The following MSRB3 variants were observed in gnomAD, a reference collection of about 807,000 sequenced individuals.
The protein encoded by MSRB3 is methionine-R-sulfoxide reductase B3.
MSRB3 carries 13 observed loss-of-function variants against 21.0 expected under a neutral mutation model. The observed-to-expected ratio is 0.62, with a 90% CI of 0.40 to 0.98. The LOEUF is 0.98. Among genes scored for constraint, MSRB3 ranks in the 50% least tolerant of loss-of-function variants. MSRB3 has a pLI of 0.00. For missense variants in MSRB3, 199 were observed against 230.3 expected (o/e 0.86, Z 0.88); for synonymous variants, 87 against 88.6 (o/e 0.98, Z 0.10).
chr12:65,462,000 T>A (rs186534063), intron 6 of MSRB3, among the ~76,000 whole-genome samples: 1 of 152,304 alleles, frequency 6.6e-6, no homozygotes, highest in East Asian at 1.9e-4. Context: ...ATAGTTCACT[T>A]GTTTTCTTGT....
intron 4 of MSRB3, among the ~76,000 whole-genome samples, chr12:65,336,182 A>G (rs1331423157): frequency 1.3e-5 from 2 of 152,224 alleles, no homozygotes; most frequent in African/African-American, 2.4e-5. Context: ...CTGGATTGGA[A>G]GAAAAGGACT....
intron 5 of MSRB3, among the ~76,000 whole-genome samples, chr12:65,428,970 C>T (rs112847563): frequency 2.6e-5 from 4 of 152,048 alleles, no homozygotes; most frequent in Admixed American, 2.6e-4. Context: ...TGATTACTTA[C>T]CAGTCTCTAT....
intron 5 of MSRB3, among the ~76,000 whole-genome samples, chr12:65,422,860 T>C (rs1351153828): frequency 6.6e-6 from 1 of 152,038 alleles, no homozygotes; most frequent in Non-Finnish European, 1.5e-5. Flanking sequence ...TCATTATTAG[T>C]GTATAGAAAT....
At chr12:65,312,106 G>A (rs991402188) in intron 2 of MSRB3, among the ~76,000 whole-genome samples, 3 of 151,988 alleles carry the variant, frequency 2.0e-5, no homozygotes, top group East Asian at 1.9e-4. Flanking sequence ...CTTAACTTGC[G>A]TGACCTTGAA....
chr12:65,347,974 G>C (rs1208139019), intron 4 of MSRB3, among the ~76,000 whole-genome samples: 1 of 152,124 alleles, frequency 6.6e-6, no homozygotes, highest in East Asian at 1.9e-4. Flanking sequence ...ATGTGCTGCT[G>C]GATTCGATTT....
intron 5 of MSRB3, among the ~76,000 whole-genome samples, chr12:65,438,484 A>G (rs531022095): frequency 6.6e-6 from 1 of 152,036 alleles, no homozygotes; most frequent in Admixed American, 6.6e-5. Context: ...TGAGGAAGGT[A>G]AAGCCTAGCA....
At chr12:65,400,887 G>A (rs753864964) in intron 5 of MSRB3, among the ~76,000 whole-genome samples, 3 of 152,220 alleles carry the variant, frequency 2.0e-5, no homozygotes, top group Non-Finnish European at 2.9e-5. Context: ...CCATTCAGGA[G>A]CAGGTTGTTC....
intron 4 of MSRB3, 36 bp from the exon 5 acceptor site, chr12:65,368,962 G>T: frequency 2.0e-6 from 2 of 1,005,586 alleles, no homozygotes; most frequent in East Asian, 3.8e-5. Flanking sequence ...TTTACAAACA[G>T]TTTTTATATT....
chr12:65,347,918 T>C (rs1474179598), intron 4 of MSRB3, among the ~76,000 whole-genome samples: 3 of 152,112 alleles, frequency 2.0e-5, no homozygotes, highest in African/African-American at 4.8e-5. Context: ...ACCAGCCTTG[T>C]ATCTCAGGGA....
chr12:65,413,181 G>A (rs760636783), intron 5 of MSRB3, among the ~76,000 whole-genome samples: 4 of 152,174 alleles, frequency 2.6e-5, no homozygotes, highest in African/African-American at 4.8e-5. Context: ...AGGTCAGAAT[G>A]TACATAAGGT....
At chr12:65,424,894 T>C (rs1236984617) in intron 5 of MSRB3, among the ~76,000 whole-genome samples, 2 of 118,578 alleles carry the variant, frequency 1.7e-5, no homozygotes, top group Non-Finnish European at 3.6e-5. Context: ...CTGTCCACTA[T>C]TGAAAGTGAA....
At chr12:65,291,597 A>G (rs1261411857) in intron 1 of MSRB3, among the ~76,000 whole-genome samples, 3 of 152,040 alleles carry the variant, frequency 2.0e-5, no homozygotes, top group Non-Finnish European at 2.9e-5. Flanking sequence ...AAAAATATGT[A>G]TTGAGCCCTG....
rs150161840 is a variant in MSRB3 at position 65,362,223 on chromosome 12, A to T, written c.264-6775A>T. Among the ~76,000 whole-genome samples, 21 of 152,308 alleles carry T rather than the reference A, an allele frequency of 1.4e-4. 2 individuals carry two copies. In the East Asian group the frequency reaches 4.1e-3, roughly 29 times the overall value. On this transcript the variant is annotated intron_variant, in intron 4 of 6. Coordinates refer to ENST00000308259, the MANE Select transcript of MSRB3 (RefSeq NM_001031679.3). The stretch of plus-strand genomic sequence containing the variant: ...CCTCTCAGGGCTGCAAGATTGCTAT[A>T]GCAGTTCTAAGTGGCATATCCTTAT...
intron 5 of MSRB3, among the ~76,000 whole-genome samples, chr12:65,410,280 A>G (rs1207939265): frequency 2.0e-5 from 3 of 152,036 alleles, no homozygotes; most frequent in Admixed American, 6.6e-5. Flanking sequence ...AGATTTATTT[A>G]TGTTGTTTTC....
At chr12:65,286,416 G>A (rs918656553) in intron 1 of MSRB3, 3 of 152,092 alleles carry the variant, frequency 2.0e-5, no homozygotes, top group African/African-American at 7.2e-5. Context: ...TAGTCTCATG[G>A]ATTAGAAGTC....
chr12:65,439,926 A>G lies in MSRB3; in HGVS notation c.293-13802A>G, dbSNP rs563470809. Reference sequence around the variant, plus strand: ...TATGATATTTACAAAAAAGAAATACAGTGGTAGATACTTGCCTTTCCTGAT... The same window carrying G: ...TATGATATTTACAAAAAAGAAATACGGTGGTAGATACTTGCCTTTCCTGAT... On this transcript the variant is annotated intron_variant, in intron 5 of 6. Coordinates refer to ENST00000308259, the MANE Select transcript of MSRB3 (RefSeq NM_001031679.3). Among the ~76,000 whole-genome samples the G allele has an allele frequency of 1.2e-3, 178 of 151,792 alleles. 1 individual carries two copies. The highest frequency in any genetic ancestry group is 2.3e-3 in the Non-Finnish European group (153 of 67,786).
intron 4 of MSRB3, among the ~76,000 whole-genome samples, chr12:65,351,555 T>C (rs1484073892): frequency 6.7e-6 from 1 of 149,978 alleles, no homozygotes; most frequent in Non-Finnish European, 1.5e-5. Context: ...ACAAAATTGA[T>C]AGACTGCTAG....
intron 5 of MSRB3, among the ~76,000 whole-genome samples, chr12:65,424,206 CT>C (rs998843757): frequency 1.5e-4 from 22 of 147,044 alleles, no homozygotes; most frequent in Admixed American, 2.7e-4. Flanking sequence ...ATTTTGTTGT[CT>C]TTTTTTTTTC....
chr12:65,297,819 G>T (rs1301136211), intron 1 of MSRB3, among the ~76,000 whole-genome samples: 2 of 152,096 alleles, frequency 1.3e-5, no homozygotes, highest in African/African-American at 4.8e-5. Context: ...TTAGATTGGA[G>T]GCAGAAAGAC....
Sources: allele counts gnomAD v4.1 joint callset (sites outside exome capture counted in the v4.1 genomes callset), GRCh38; gene constraint gnomAD v4.1.1; transcripts MANE v1.5; gene names NCBI Gene and HGNC (gene_info 2026-07-23, HGNC 2026-07-21).